NYAP2: variants seen among roughly 807,000 people sequenced by gnomAD.
NYAP2 encodes the protein neuronal tyrosine-phosphorylated phosphoinositide-3-kinase adapter 2.
NYAP2 carries 23 observed loss-of-function variants against 50.4 expected under a neutral mutation model. That is an observed-to-expected ratio of 0.46 (90% CI 0.33 to 0.65). The LOEUF (loss-of-function observed/expected upper bound fraction) is 0.65, where lower values mean the gene tolerates loss of function less well. Among genes scored for constraint, NYAP2 ranks in the 30% least tolerant of loss-of-function variants. The pLI is 0.02. For synonymous variants in NYAP2, 394 were observed against 365.2 expected (o/e 1.08, Z -0.90); for missense variants, 885 against 861.0 (o/e 1.03, Z -0.35).
intron 3 of NYAP2, among the ~76,000 whole-genome samples, chr2:225,506,006 G>A (rs141216592): frequency 1.3e-5 from 2 of 152,182 alleles, no homozygotes; most frequent in East Asian, 1.9e-4. Context: ...GGTGGCCAGG[G>A]TGATCCAACG....
intron 4 of NYAP2, among the ~76,000 whole-genome samples, chr2:225,579,119 G>T (rs1692224416): frequency 6.6e-6 from 1 of 151,582 alleles, no homozygotes; most frequent in East Asian, 2.0e-4. Context: ...GAGAGAGAGA[G>T]AACTCTGCTG....
chr2:225,560,255 A>AT (rs1245328635), intron 4 of NYAP2, among the ~76,000 whole-genome samples: 2 of 152,092 alleles, frequency 1.3e-5, no homozygotes, highest in African/African-American at 4.8e-5. Context: ...TCACAACATT[A>AT]TTTTTATTGC....
At chr2:225,531,136 A>T (rs1228388531) in intron 4 of NYAP2, among the ~76,000 whole-genome samples, 2 of 152,174 alleles carry the variant, frequency 1.3e-5, no homozygotes, top group Non-Finnish European at 2.9e-5. Flanking sequence ...ATCTGATAAA[A>T]CTGAACTCAT....
intron 4 of NYAP2, among the ~76,000 whole-genome samples, chr2:225,561,282 A>G (rs1438072676): frequency 6.6e-6 from 1 of 152,102 alleles, no homozygotes; most frequent in Non-Finnish European, 1.5e-5. Context: ...AGCCATGTAC[A>G]TCGCTGGGGG....
chr2:225,504,131 G>A (rs1690659011), intron 3 of NYAP2, among the ~76,000 whole-genome samples: 1 of 152,180 alleles, frequency 6.6e-6, no homozygotes, highest in African/African-American at 2.4e-5. Flanking sequence ...AGTACACTCA[G>A]GCTGCTAGGA....
At chr2:225,462,709 C>A (rs921683361) in intron 3 of NYAP2, among the ~76,000 whole-genome samples, 1 of 152,094 alleles carries the variant, frequency 6.6e-6, no homozygotes, top group Non-Finnish European at 1.5e-5. Context: ...GAATGTCAGA[C>A]AATAGAAGTA....
intron 3 of NYAP2, among the ~76,000 whole-genome samples, chr2:225,491,946 G>T (rs1466318178): frequency 1.3e-5 from 2 of 152,168 alleles, no homozygotes; most frequent in Non-Finnish European, 2.9e-5. Context: ...TACCCTATCT[G>T]GCTAAGAAAC....
chr2:225,671,356 T>TG, the NYAP2 span, among the ~76,000 whole-genome samples: 1 of 152,158 alleles, frequency 6.6e-6, no homozygotes, highest in South Asian at 2.1e-4. Context: ...TTACCAGGGG[T>TG]GCATTTCATC....
At chr2:225,644,474 T>C (rs1455668596) in intron 6 of NYAP2, among the ~76,000 whole-genome samples, 1 of 151,846 alleles carries the variant, frequency 6.6e-6, no homozygotes, top group Non-Finnish European at 1.5e-5. Context: ...TTTTGACTTT[T>C]GTTGCCATTG....
At chr2:225,663,436 G>C in the NYAP2 span, among the ~76,000 whole-genome samples, 1 of 152,224 alleles carries the variant, frequency 6.6e-6, no homozygotes, top group African/African-American at 2.4e-5. Context: ...ACTTTGCTTG[G>C]ATTTCAAGGC....
rs955592598 is a variant in NYAP2, at chr2:225,596,166, G to C, written c.1618+13131G>C. ...CCTGCATCAGCCTCCCAAGTAGCTG[G>C]GGCCACACTCTTGCCTAACATGTTA... On this transcript the variant is annotated intron_variant, in intron 5 of 6. Coordinates refer to ENST00000636099, the Ensembl canonical transcript of NYAP2. Among the ~76,000 whole-genome samples, 4 of 151,956 alleles carry C rather than the reference G, an allele frequency of 2.6e-5. No homozygotes were observed. The East Asian group carries it at 7.7e-4, about 29-fold the overall frequency.
chr2:225,584,502 G>A (rs917837358), intron 5 of NYAP2, among the ~76,000 whole-genome samples: 4 of 152,152 alleles, frequency 2.6e-5, no homozygotes, highest in Non-Finnish European at 5.9e-5. Context: ...AATGCCGTAG[G>A]CACCTAAGCT....
At chr2:225,578,361 T>G (rs922181982) in intron 4 of NYAP2, among the ~76,000 whole-genome samples, 1 of 152,104 alleles carries the variant, frequency 6.6e-6, no homozygotes, top group African/African-American at 2.4e-5. Flanking sequence ...GGAAGAAGCT[T>G]GCCTAGATAA....
chr2:225,561,328 G>A (rs1240281949), intron 4 of NYAP2, among the ~76,000 whole-genome samples: 1 of 152,010 alleles, frequency 6.6e-6, no homozygotes, highest in African/African-American at 2.4e-5. Flanking sequence ...GTTAGTACAA[G>A]GTCTGAGATT....
At chr2:225,587,269 A>G (rs756265268) in intron 5 of NYAP2, among the ~76,000 whole-genome samples, 36 of 152,258 alleles carry the variant, frequency 2.4e-4, no homozygotes, top group Non-Finnish European at 3.7e-4. Context: ...AAAAAGTACA[A>G]GATCTACTGA....
chr2:225,530,467 A>G (rs1215889595), intron 4 of NYAP2, among the ~76,000 whole-genome samples: 3 of 152,158 alleles, frequency 2.0e-5, no homozygotes. Context: ...TCTCTTCAGC[A>G]TTTTAGACTA....
chr2:225,677,277 C>T, the NYAP2 span, among the ~76,000 whole-genome samples: 1 of 151,398 alleles, frequency 6.6e-6, no homozygotes, highest in Non-Finnish European at 1.5e-5. Context: ...CTGAAACTTT[C>T]CTAAAGTTAT....
At chr2:225,412,020 T>G (rs918136710) in intron 3 of NYAP2, among the ~76,000 whole-genome samples, 1 of 149,536 alleles carries the variant, frequency 6.7e-6, no homozygotes, top group African/African-American at 2.4e-5. Context: ...TATATTATCA[T>G]TTATATATCA....
chr2:225,580,901 C>A (rs1019774760), intron 4 of NYAP2, among the ~76,000 whole-genome samples: 1 of 152,154 alleles, frequency 6.6e-6, no homozygotes, highest in Admixed American at 6.5e-5. Context: ...CTTCTGTAAG[C>A]AACCACATTC....
Sources: allele counts gnomAD v4.1 joint callset (sites outside exome capture counted in the v4.1 genomes callset), GRCh38; gene constraint gnomAD v4.1.1; transcripts MANE v1.5; gene names NCBI Gene and HGNC (gene_info 2026-07-23, HGNC 2026-07-21).